The following TPST1 variants were observed in gnomAD, a reference collection of about 807,000 sequenced individuals.
The protein encoded by TPST1 is protein-tyrosine sulfotransferase 1.
In TPST1, 20 loss-of-function variants were observed where a neutral mutation model predicts 34.8. That is an observed-to-expected ratio of 0.57 (90% confidence interval 0.40 to 0.84). The LOEUF is 0.84. Ranked by LOEUF, TPST1 falls within the 40% of genes least tolerant of loss-of-function variation. The probability of loss-of-function intolerance (pLI) is 0.00; values close to 1 mark genes in which losing one functional copy is unlikely to be tolerated. For synonymous variants in TPST1, 152 were observed against 159.4 expected, an observed-to-expected ratio of 0.95 and a Z score of 0.35; for missense variants, 353 against 455.5, an observed-to-expected ratio of 0.78 and a Z score of 2.05.
At chr7:66,278,152 T>C (rs978118885) in intron 2 of TPST1, among the ~76,000 whole-genome samples, 1 of 137,706 alleles carries the variant, frequency 7.3e-6, no homozygotes, top group Non-Finnish European at 1.5e-5. Flanking sequence ...AGGTGAGAGA[T>C]GTTTGCTTGG....
At chr7:66,245,840 A>G (rs567611318) in intron 2 of TPST1, among the ~76,000 whole-genome samples, 109 of 152,344 alleles carry the variant, frequency 7.2e-4, no homozygotes, top group African/African-American at 2.5e-3. Flanking sequence ...CCTGAGCTCT[A>G]CTAGCTCAGT....
chr7:66,204,884 G>A (rs1383649388), upstream of TPST1, among the ~76,000 whole-genome samples: 1 of 152,254 alleles, frequency 6.6e-6, no homozygotes, highest in African/African-American at 2.4e-5. Flanking sequence ...AGCGGGCAAA[G>A]GTGGGCTCTG....
chr7:66,251,115 A>G (rs80086360), intron 2 of TPST1, among the ~76,000 whole-genome samples: 3,238 of 152,356 alleles, frequency 0.021, 45 homozygotes, highest in Middle Eastern at 0.075. Flanking sequence ...CTGAAATAGT[A>G]TCCATTAAGG....
chr7:66,248,677 T>TG (rs1790202545), intron 2 of TPST1, among the ~76,000 whole-genome samples: 1 of 151,870 alleles, frequency 6.6e-6, no homozygotes, highest in Non-Finnish European at 1.5e-5. Flanking sequence ...CTAATTTTTT[T>TG]TTTGTGTGTG....
chr7:66,229,920 C>A (rs1356154824), intron 1 of TPST1, among the ~76,000 whole-genome samples: 3 of 152,078 alleles, frequency 2.0e-5, no homozygotes, highest in Admixed American at 1.3e-4. Flanking sequence ...CAAAAAGAAA[C>A]CCCATACTCA....
intron 2 of TPST1, among the ~76,000 whole-genome samples, chr7:66,243,146 GGTGTGTGTGTGT>G (rs150715860): frequency 6.7e-6 from 1 of 148,480 alleles, no homozygotes; most frequent in African/African-American, 2.5e-5. Context: ...GATGACAAGG[GGTGTGTGTGTGT>G]GTGTGTGTGT....
intron 3 of TPST1, among the ~76,000 whole-genome samples, chr7:66,315,442 G>A (rs1584233289): frequency 6.6e-6 from 1 of 152,324 alleles, no homozygotes; most frequent in East Asian, 1.9e-4. Flanking sequence ...GCTCTGACCT[G>A]TTAGTAGTGC....
intron 1 of TPST1, among the ~76,000 whole-genome samples, chr7:66,224,830 A>G (rs1301761962): frequency 6.7e-6 from 1 of 148,738 alleles, no homozygotes; most frequent in African/African-American, 2.5e-5. Flanking sequence ...TTCCTCAGAT[A>G]CGTTTATTGC....
At chr7:66,222,425 G>A (rs890057194) in intron 1 of TPST1, among the ~76,000 whole-genome samples, 1 of 151,976 alleles carries the variant, frequency 6.6e-6, no homozygotes, top group African/African-American at 2.4e-5. Flanking sequence ...TATTTTATCT[G>A]GTGTTCATGT....
intron 2 of TPST1, among the ~76,000 whole-genome samples, chr7:66,267,839 A>T (rs1167276851): frequency 2.0e-5 from 3 of 152,100 alleles, no homozygotes; most frequent in African/African-American, 7.2e-5. Flanking sequence ...ATATTGGGGG[A>T]GGGGGTGTGG....
intron 5 of TPST1, among the ~76,000 whole-genome samples, chr7:66,358,015 T>C (rs1187052471): frequency 6.6e-6 from 1 of 151,450 alleles, no homozygotes; most frequent in Non-Finnish European, 1.5e-5. Flanking sequence ...ACCCAAGAGG[T>C]GGATGTTACA....
intron 1 of TPST1, among the ~76,000 whole-genome samples, chr7:66,229,400 G>A (rs111832966): frequency 0.012 from 1,815 of 152,292 alleles, 28 homozygotes; most frequent in African/African-American, 0.041. Flanking sequence ...ATGAGCCACC[G>A]CACCCGGCTG....
chr7:66,330,622 C>G (rs1372636227), intron 3 of TPST1, among the ~76,000 whole-genome samples: 1 of 152,182 alleles, frequency 6.6e-6, no homozygotes, highest in Admixed American at 6.5e-5. Context: ...CCCTTGCCTC[C>G]AGTTTCTACT....
chr7:66,232,308 T>G (rs547719352), intron 1 of TPST1, among the ~76,000 whole-genome samples: 4 of 148,866 alleles, frequency 2.7e-5, no homozygotes, highest in Non-Finnish European at 4.4e-5. Context: ...GCTCAAGTAA[T>G]CCTCCCACCT....
chr7:66,310,677 G>T (rs1443263181), intron 3 of TPST1, among the ~76,000 whole-genome samples: 2 of 152,084 alleles, frequency 1.3e-5, no homozygotes, highest in Non-Finnish European at 1.5e-5. Flanking sequence ...CTTTTTGACT[G>T]TATTACTTGA....
At chr7:66,278,554 G>A (rs1790867558) in intron 2 of TPST1, among the ~76,000 whole-genome samples, 1 of 152,154 alleles carries the variant, frequency 6.6e-6, no homozygotes, top group African/African-American at 2.4e-5. Context: ...GGAGGTCGAG[G>A]TGGGCGGATC....
chr7:66,301,091 G>A (rs977259337), intron 3 of TPST1, among the ~76,000 whole-genome samples: 1 of 152,236 alleles, frequency 6.6e-6, no homozygotes, highest in African/African-American at 2.4e-5. Flanking sequence ...GTGACAAGGT[G>A]CATTGTCAAC....
intron 3 of TPST1, among the ~76,000 whole-genome samples, chr7:66,295,602 A>AT (rs1472457603): frequency 6.6e-6 from 1 of 152,186 alleles, no homozygotes; most frequent in African/African-American, 2.4e-5. Context: ...TCATTGATTA[A>AT]TGTAATTGAA....
intron 2 of TPST1, among the ~76,000 whole-genome samples, chr7:66,276,432 G>T (rs1163860571): frequency 7.0e-6 from 1 of 142,286 alleles, no homozygotes; most frequent in African/African-American, 2.7e-5. Context: ...GGAGTGCAGT[G>T]GTGTGATCTC....
Sources: allele counts gnomAD v4.1 joint callset (sites outside exome capture counted in the v4.1 genomes callset), GRCh38; gene constraint gnomAD v4.1.1; transcripts MANE v1.5; gene names NCBI Gene and HGNC (gene_info 2026-07-23, HGNC 2026-07-21).